Variants in ARHGAP8 observed in about 807,000 individuals in gnomAD.
ARHGAP8 encodes rho GTPase-activating protein 8.
Under a neutral mutation model 46.1 loss-of-function variants are expected in ARHGAP8, and 62 were observed. That is an observed-to-expected ratio of 1.34 (90% CI 1.10 to 1.66). ARHGAP8 has a LOEUF of 1.66. Among genes scored for constraint, ARHGAP8 ranks in the 40% most tolerant of loss-of-function variants. The pLI is 0.00. For synonymous variants in ARHGAP8, 375 were observed against 243.1 expected, an observed-to-expected ratio of 1.54 and a Z score of -5.05; for missense variants, 923 against 568.4, an observed-to-expected ratio of 1.62 and a Z score of -6.34.
chr22:44,765,311 C>A (rs1349761374), intron 1 of ARHGAP8: 1 of 152,380 alleles, frequency 6.6e-6, no homozygotes, highest in Non-Finnish European at 1.5e-5. Flanking sequence ...CAGGAGGTGC[C>A]CCTGCATTGC....
intron 7 of ARHGAP8, among the ~76,000 whole-genome samples, chr22:44,825,976 G>A (rs1930493763): frequency 1.3e-5 from 2 of 151,336 alleles, no homozygotes; most frequent in African/African-American, 2.4e-5. Context: ...GGGGGGACCG[G>A]CAGTGGGTAG....
At chr22:44,808,518 A>T in intron 4 of ARHGAP8, 80 bp downstream of exon 4, 2 of 1,562,228 alleles carry the variant, frequency 1.3e-6, no homozygotes, top group Non-Finnish European at 1.7e-6. Context: ...AAGGGGTCGC[A>T]GAGTGTGCAG....
At chr22:44,794,908 G>C (rs1202071190) in intron 2 of ARHGAP8, among the ~76,000 whole-genome samples, 1 of 151,722 alleles carries the variant, frequency 6.6e-6, no homozygotes, top group African/African-American at 2.4e-5. Context: ...AGGTGCTTTA[G>C]CTCGAGCCTG....
At chr22:44,846,015 C>T (rs573856161) in intron 8 of ARHGAP8, among the ~76,000 whole-genome samples, 254 of 152,180 alleles carry the variant, frequency 1.7e-3, no homozygotes, top group Non-Finnish European at 2.7e-3. Context: ...GTGAGTGCCC[C>T]CCCCCATCCC....
chr22:44,816,886 T>TTC (rs927606849), intron 5 of ARHGAP8, among the ~76,000 whole-genome samples: 8 of 125,532 alleles, frequency 6.4e-5, no homozygotes, highest in African/African-American at 1.6e-4. Context: ...CTTTCTTTCT[T>TTC]TTTTTTTTTT....
At chr22:44,858,285 A>T (rs190036020) in intron 10 of ARHGAP8, among the ~76,000 whole-genome samples, 1 of 151,810 alleles carries the variant, frequency 6.6e-6, no homozygotes, top group Non-Finnish European at 1.5e-5. Context: ...ATAGGCATGC[A>T]TGTGGCTGAG....
intron 4 of ARHGAP8, 79 bp downstream of exon 4, chr22:44,808,517 CAG>C (rs1214241572): frequency 1.3e-6 from 2 of 1,564,310 alleles, no homozygotes; most frequent in Non-Finnish European, 1.7e-6. Context: ...CAAGGGGTCG[CAG>C]AGTGTGCAGT....
intron 7 of ARHGAP8, among the ~76,000 whole-genome samples, chr22:44,827,354 T>TTTTG (rs1930609062): frequency 7.5e-6 from 1 of 133,648 alleles, no homozygotes; most frequent in African/African-American, 2.9e-5. Context: ...TTTTTTTTTT[T>TTTTG]TTTTTTTTGA....
In ARHGAP8 at chr22:44,862,766, G is replaced by GGTCCT; in HGVS notation, c.*171_*172insGTCCT. The GGTCCT allele has an allele frequency of 9.1e-5, 73 of 805,900 alleles. No individual in the cohort carries two copies. Among genetic ancestry groups the GGTCCT allele is most frequent in the Non-Finnish European group, 1.3e-4 (69 of 541,448 alleles). The allele number at this position is 805,900 out of a possible 1,614,324, so 49.9% of individuals were successfully genotyped here. A position where few individuals can be genotyped will look rare whatever the true frequency, so the allele number is the denominator to read the frequency against. On this transcript the variant is annotated 3_prime_UTR_variant, in exon 12 of 12. Coordinates refer to ENST00000356099, the MANE Select transcript of ARHGAP8 (RefSeq NM_181335.3). ...GACTCTTGTCCATGGTTCCTGAGCT[G>GGTCCT]TGGACCGGGATAGAATAATGCATTT...
intron 7 of ARHGAP8, among the ~76,000 whole-genome samples, chr22:44,837,979 A>G (rs1228127561): frequency 2.0e-5 from 3 of 151,704 alleles, no homozygotes. Context: ...TTATTTTATT[A>G]TTTATTTATT....
intron 7 of ARHGAP8, among the ~76,000 whole-genome samples, chr22:44,830,529 TTTTA>T (rs898386301): frequency 6.8e-6 from 1 of 147,886 alleles, no homozygotes; most frequent in African/African-American, 2.6e-5. Context: ...TTTTATTTTC[TTTTA>T]TTTATTTTAG....
rs371688432 is a variant in ARHGAP8, at chr22:44,859,819, G to A, written c.966G>A (p.Met322Ile). Residue 322 changes from methionine (M) to isoleucine (I), a missense_variant, in exon 11 of 12, where the codon ATG (methionine) becomes ATA (isoleucine). Physicochemically the swap from Met to Ile is conservative, Grantham distance 10. Transcript: ENST00000356099. The stretch of plus-strand genomic sequence containing the variant: ...ACTACGTCGTCCTCCGCTACCTCAT[G>A]GGCTTCCTGCATGCGGTGAGTGGGG... Reference protein sequence around the residue: ...EHNYVVLRYLMGFLHAVSRES... With the variant: ...EHNYVVLRYLIGFLHAVSRES... 1.7e-5 allele frequency: 27 copies of A among 1,613,876 alleles called. No individual in the cohort carries two copies. The African/African-American group carries it at 2.9e-4, about 18-fold the overall frequency.
At position 44,836,480 on chromosome 22, in the gene ARHGAP8, T is replaced by G. The variant is rs528103363; in HGVS notation, c.597-8789T>G. 1.1e-3 allele frequency among the ~76,000 whole-genome samples: 165 copies of G among 152,126 alleles called. 1 individual carries two copies. The highest frequency in any genetic ancestry group is 1.3e-3 in the Non-Finnish European group (89 of 68,014). On this transcript the variant is annotated intron_variant, in intron 7 of 11. Coordinates refer to ENST00000356099, the MANE Select transcript of ARHGAP8 (RefSeq NM_181335.3). ...TAATAATTTGCCTGAGCCTCAGTTT[T>G]GTCCTCTATAAAAATGGGGGCACAG...
intron 1 of ARHGAP8, among the ~76,000 whole-genome samples, chr22:44,772,808 A>AC (rs1209494156): frequency 9.9e-6 from 1 of 101,040 alleles, no homozygotes; most frequent in African/African-American, 3.5e-5. Flanking sequence ...TCTCTCTCCC[A>AC]CTTTTTTTTT....
chr22:44,826,416 G>T (rs930086548), intron 7 of ARHGAP8, among the ~76,000 whole-genome samples: 1 of 152,098 alleles, frequency 6.6e-6, no homozygotes, highest in African/African-American at 2.4e-5. Flanking sequence ...CCTTATTCCT[G>T]TTATACTACC....
chr22:44,860,415 G>C (rs2070415764), intron 11 of ARHGAP8, among the ~76,000 whole-genome samples: 1 of 151,512 alleles, frequency 6.6e-6, no homozygotes, highest in Non-Finnish European at 1.5e-5. Flanking sequence ...TATGCCTCCA[G>C]CTCCCCCCTG....
Position 44,855,966 on chromosome 22 carries a change from A to C in ARHGAP8, c.878-3765A>C, listed in dbSNP as rs1261738774. Among the ~76,000 whole-genome samples, 9 of 152,302 alleles carry C rather than the reference A, an allele frequency of 5.9e-5. No homozygotes were observed. In the East Asian group the frequency reaches 1.5e-3, roughly 26 times the overall value. ...CTCAGGAAGCTTTCAATTATGACGG[A>C]GGGCAAAGGAGGAGCAGGTGTCTCA... is the stretch of plus-strand genomic sequence containing the variant. On this transcript the variant is annotated intron_variant, in intron 10 of 11. Transcript: ENST00000356099.
chr22:44,857,370 A>T (rs1466770597), intron 10 of ARHGAP8, among the ~76,000 whole-genome samples: 1 of 152,072 alleles, frequency 6.6e-6, no homozygotes, highest in East Asian at 1.9e-4. Context: ...GGAGGGTCAA[A>T]ATCTTTTCCT....
intron 2 of ARHGAP8, among the ~76,000 whole-genome samples, chr22:44,795,761 G>A (rs895983028): frequency 6.6e-6 from 1 of 152,138 alleles, no homozygotes; most frequent in African/African-American, 2.4e-5. Flanking sequence ...TGGACACCAG[G>A]TCTGAGCCAT....
Sources: allele counts gnomAD v4.1 joint callset (sites outside exome capture counted in the v4.1 genomes callset), GRCh38; gene constraint gnomAD v4.1.1; transcripts MANE v1.5; gene names NCBI Gene and HGNC (gene_info 2026-07-23, HGNC 2026-07-21).